The following PDE9A variants were observed in gnomAD, a reference collection of about 807,000 sequenced individuals.
The protein encoded by PDE9A is phosphodiesterase 9A, also known as high affinity cGMP-specific 3',5'-cyclic phosphodiesterase 9A.
A neutral mutation model predicts 87.4 loss-of-function variants in PDE9A; 60 were observed. That is an observed-to-expected ratio of 0.69 (90% CI 0.56 to 0.85). The LOEUF is 0.85. PDE9A is among the 40% of genes least tolerant of loss of function. The pLI, the probability that PDE9A is intolerant of heterozygous loss-of-function variation, is 0.00. For synonymous variants in PDE9A, 272 were observed against 279.4 expected, an observed-to-expected ratio of 0.97 and a Z score of 0.27; for missense variants, 665 against 779.0, an observed-to-expected ratio of 0.85 and a Z score of 1.74.
chr21:42,732,862 C>T (rs1472859349), intron 6 of PDE9A, among the ~76,000 whole-genome samples: 2 of 152,298 alleles, frequency 1.3e-5, no homozygotes, highest in African/African-American at 2.4e-5. Context: ...TGCCGTGAGC[C>T]GAGATCACGC....
rs2058794258 is a variant in PDE9A at position 42,675,386 on chromosome 21, ATTGG to A, written c.70-10801_70-10798del. Among the ~76,000 whole-genome samples the A allele has an allele frequency of 6.6e-6, 1 of 152,246 alleles. No individual in the cohort carries two copies. The highest frequency in any genetic ancestry group is 1.5e-5 in the Non-Finnish European group (1 of 68,046). The stretch of plus-strand genomic sequence containing the variant: ...TGCTTGCAGCAGGGCAGCGCAGGGC[ATTGG>A]TTGGGGTATAAATCCGGGGGTGCAG... On this transcript the variant is annotated intron_variant, in intron 1 of 19. Coordinates refer to ENST00000291539, the MANE Select transcript of PDE9A (RefSeq NM_002606.3). The surrounding 1 kb of genome is among the most constrained non-coding windows in gnomAD (Gnocchi z 4.3).
chr21:42,674,717 T>C (rs2058753024), intron 1 of PDE9A, among the ~76,000 whole-genome samples: 2 of 152,110 alleles, frequency 1.3e-5, no homozygotes, highest in South Asian at 4.1e-4. Flanking sequence ...CCAGCCTCTC[T>C]CCTACCCCCA....
At chr21:42,682,453 G>A (rs548928650) in intron 1 of PDE9A, among the ~76,000 whole-genome samples, 1 of 152,324 alleles carries the variant, frequency 6.6e-6, no homozygotes, top group South Asian at 2.1e-4. Context: ...CTTGCATAGA[G>A]GTGGCAAGAG....
chr21:42,760,378 C>T lies in PDE9A; in HGVS notation c.948C>T (p.His316=). 1 of 1,610,290 alleles carries T rather than the reference C, an allele frequency of 6.2e-7. No individual in the cohort carries two copies. The highest frequency in any genetic ancestry group is 8.5e-7 in the Non-Finnish European group (1 of 1,179,562). Residue 316 remains histidine, a synonymous_variant, in exon 12 of 20, where the codon CAC becomes CAT. Coordinates refer to ENST00000291539, the MANE Select transcript of PDE9A (RefSeq NM_002606.3). This position sits in a 1 kb window ranked among gnomAD's most constrained non-coding sequence, Gnocchi z 5.2. The part of the protein sequence containing the change: ...YRNNPFHNFR[H]CFCVAQMMYS... Reference sequence around the variant, plus strand: ...ACAACCCCTTCCACAACTTCCGGCACTGCTTCTGCGTGGCCCAGATGATGT... The same window carrying T: ...ACAACCCCTTCCACAACTTCCGGCATTGCTTCTGCGTGGCCCAGATGATGT...
rs970185886 is a variant in PDE9A at position 42,663,283 on chromosome 21, C to T, written c.69+9400C>T. ...ACACAAGCACATCACAAACACCACA[C>T]AGGCACATCACACACATACATACAC... On this transcript the variant is annotated intron_variant, in intron 1 of 19. Transcript: ENST00000291539. Among the ~76,000 whole-genome samples the T allele has an allele frequency of 2.6e-5, 4 of 151,808 alleles. No homozygotes were observed. The South Asian group carries it at 8.4e-4, about 32-fold the overall frequency.
chr21:42,703,176 G>A (rs2048515178), intron 4 of PDE9A, among the ~76,000 whole-genome samples: 2 of 152,228 alleles, frequency 1.3e-5, no homozygotes, highest in South Asian at 2.1e-4. Context: ...TGAGCGCCAC[G>A]GCCCAGGGAG....
At position 42,754,077 on chromosome 21, in the gene PDE9A, C is replaced by T. The variant is rs369499989; in HGVS notation, c.810+13C>T. 4.4e-6 allele frequency: 7 copies of T among 1,593,164 alleles called. No individual in the cohort carries two copies. The African/African-American group carries it at 6.7e-5, about 15-fold the overall frequency. ...GGAGCCCAATGAGGTAAGTGCGGGG[C>T]TTGCAGGCACCACGTCCCAGGGGGA... On this transcript the variant is annotated intron_variant, in intron 10 of 19. Coordinates refer to ENST00000291539, the MANE Select transcript of PDE9A (RefSeq NM_002606.3).
At chr21:42,740,755 G>GGATAGATAGATA (rs58917556) in intron 7 of PDE9A, among the ~76,000 whole-genome samples, 2,467 of 140,050 alleles carry the variant, frequency 0.018, 44 homozygotes, top group East Asian at 0.026. Context: ...TAGATAAACA[G>GGATAGATAGATA]GATAGATAGA....
Position 42,692,677 on chromosome 21 carries a change from C to T in PDE9A, c.218+4683C>T, listed in dbSNP as rs1376105512. ...GCTGGCCCGGGACACGCCACTGATG[C>T]TCTTCTGACCCAGGGGCTTTTCTCT... On this transcript the variant is annotated intron_variant, in intron 3 of 19. Transcript: ENST00000291539. The surrounding 1 kb of genome is among the most constrained non-coding windows in gnomAD (Gnocchi z 4.3). 6.6e-6 allele frequency among the ~76,000 whole-genome samples: 1 copy of T among 152,154 alleles called. No individual in the cohort carries two copies. The highest frequency in any genetic ancestry group is 1.5e-5 in the Non-Finnish European group (1 of 68,026).
chr21:42,684,779 G>T (rs574160166), intron 1 of PDE9A, among the ~76,000 whole-genome samples: 1 of 152,152 alleles, frequency 6.6e-6, no homozygotes, highest in Non-Finnish European at 1.5e-5. Context: ...CAGGAACCAC[G>T]CAATGACACA....
intron 1 of PDE9A, among the ~76,000 whole-genome samples, chr21:42,654,568 C>A (rs765344665): frequency 1.3e-5 from 2 of 152,128 alleles, no homozygotes; most frequent in African/African-American, 2.4e-5. Flanking sequence ...ATGAGCTCCC[C>A]CTAAAGTCCC....
At position 42,760,456 on chromosome 21, in the gene PDE9A, C is replaced by CAG. The variant is rs747319034; in HGVS notation, c.1002+26_1002+27dup. 1.5e-6 allele frequency: 2 copies of CAG among 1,364,734 alleles called. No individual in the cohort carries two copies. The highest frequency in any genetic ancestry group is 2.1e-6 in the Non-Finnish European group (2 of 963,162). 84.5% of individuals were successfully genotyped at this position (1,364,734 alleles called of 1,614,324 possible). The stretch of plus-strand genomic sequence containing the variant: ...AGGTGGGTCCTGCCCGCTGCACACC[C>CAG]AGACCTCTACTCTCGGGGGTCAGAC... On this transcript the variant is annotated intron_variant, in intron 12 of 19. Transcript: ENST00000291539. The surrounding 1 kb of genome is among the most constrained non-coding windows in gnomAD (Gnocchi z 5.2).
intron 4 of PDE9A, among the ~76,000 whole-genome samples, chr21:42,714,647 C>A (rs1000829012): frequency 5.4e-5 from 8 of 146,912 alleles, no homozygotes; most frequent in Non-Finnish European, 1.2e-4. Flanking sequence ...CTCTACCAGT[C>A]TTTGTTGATT....
chr21:42,668,895 T>TCCC (rs1229611821), intron 1 of PDE9A, among the ~76,000 whole-genome samples: 271 of 99,560 alleles, frequency 2.7e-3, no homozygotes, highest in African/African-American at 0.012. Flanking sequence ...AGCTGCTCCC[T>TCCC]CCACCCCCCG....
Position 42,760,498 on chromosome 21 carries a change from G to T in PDE9A, c.1002+66G>T. The T allele has an allele frequency of 9.9e-7, 1 of 1,012,886 alleles. No individual in the cohort carries two copies. 62.7% of individuals were successfully genotyped at this position (1,012,886 alleles called of 1,614,324 possible). On this transcript the variant is annotated intron_variant, in intron 12 of 19. Coordinates refer to ENST00000291539, the MANE Select transcript of PDE9A (RefSeq NM_002606.3). This position sits in a 1 kb window ranked among gnomAD's most constrained non-coding sequence, Gnocchi z 5.2. ...GGGTCAGACGGAGGCCCCCTTCCAG[G>T]GAGCGGCAGCCCCATCCCACCAAGA... is the stretch of plus-strand genomic sequence containing the variant.
chr21:42,721,640 G>C (rs1384563947), intron 4 of PDE9A, among the ~76,000 whole-genome samples: 1 of 152,182 alleles, frequency 6.6e-6, no homozygotes, highest in Non-Finnish European at 1.5e-5. Context: ...AACATCCTCA[G>C]CCAGTTGAAT....
rs990391627 is a variant in PDE9A at position 42,696,566 on chromosome 21, A to G, written c.219-2402A>G. 1.3e-5 allele frequency among the ~76,000 whole-genome samples: 2 copies of G among 150,624 alleles called. No homozygotes were observed. The highest frequency in any genetic ancestry group is 2.4e-5 in the African/African-American group (1 of 40,982). On this transcript the variant is annotated intron_variant, in intron 3 of 19. Transcript: ENST00000291539. This position sits in a 1 kb window ranked among gnomAD's most constrained non-coding sequence, Gnocchi z 5.1. ...CTGCACCATTTCCAGGGCTGCTCTC[A>G]TGGTGGGAGCCGGAGAGACACTGAG...
At chr21:42,711,923 T>C (rs536818775) in intron 4 of PDE9A, among the ~76,000 whole-genome samples, 1 of 152,178 alleles carries the variant, frequency 6.6e-6, no homozygotes, top group Non-Finnish European at 1.5e-5. Context: ...TATTTGTCTA[T>C]CCTCACACCA....
At chr21:42,684,595 C>A (rs1381593838) in intron 1 of PDE9A, among the ~76,000 whole-genome samples, 1 of 152,206 alleles carries the variant, frequency 6.6e-6, no homozygotes. Flanking sequence ...GGAGGAGAAG[C>A]ACATCTCAGA....
Sources: gnomAD v4.1 joint callset for allele counts (sites outside exome capture counted in the v4.1 genomes callset) on GRCh38, gnomAD v4.1.1 for gene constraint, Gnocchi (gnomAD v3.1) non-coding constraint, MANE v1.5 for transcripts, NCBI Gene and HGNC (gene_info 2026-07-23, HGNC 2026-07-21) for gene names.